The following CAP2 variants were observed in gnomAD, a reference collection of about 807,000 sequenced individuals.
The protein encoded by CAP2 is cyclase associated actin cytoskeleton regulatory protein 2.
In CAP2, 24 loss-of-function variants were observed where a neutral mutation model predicts 57.7. That is an observed-to-expected ratio of 0.42 (90% CI 0.30 to 0.58). The LOEUF (loss-of-function observed/expected upper bound fraction) is 0.58, where lower values mean the gene tolerates loss of function less well. Among genes scored for constraint, CAP2 ranks in the 20% least tolerant of loss-of-function variants. The probability of loss-of-function intolerance (pLI) is 0.22; values close to 1 mark genes in which losing one functional copy is unlikely to be tolerated. For missense variants in CAP2, 501 were observed against 590.3 expected (o/e 0.85, Z 1.57); for synonymous variants, 194 against 207.2 (o/e 0.94, Z 0.55).
At chr6:17,434,418 G>A (rs760015447) in intron 3 of CAP2, among the ~76,000 whole-genome samples, 9 of 151,888 alleles carry the variant, frequency 5.9e-5, no homozygotes, top group Non-Finnish European at 8.8e-5. Flanking sequence ...TAGTAGAGAC[G>A]GGGTTTCACT....
At chr6:17,551,438 G>A in intron 11 of CAP2, 26 bp from the exon 12 acceptor site, 1 of 1,563,058 alleles carries the variant, frequency 6.4e-7, no homozygotes, top group Non-Finnish European at 8.7e-7. Flanking sequence ...CTTTGCTTTG[G>A]TCCCAGGTAT....
At chr6:17,511,109 A>G (rs1762135352) in intron 6 of CAP2, among the ~76,000 whole-genome samples, 1 of 152,224 alleles carries the variant, frequency 6.6e-6, no homozygotes, top group Non-Finnish European at 1.5e-5. Context: ...GACTACCTCA[A>G]GACTGTACAA....
intron 4 of CAP2, among the ~76,000 whole-genome samples, chr6:17,465,706 T>G (rs1760846156): frequency 6.6e-6 from 1 of 152,190 alleles, no homozygotes; most frequent in Non-Finnish European, 1.5e-5. Context: ...ATTGGGGACT[T>G]GCATACAGGG....
chr6:17,428,003 G>A (rs1224996454), intron 3 of CAP2, among the ~76,000 whole-genome samples: 1 of 152,208 alleles, frequency 6.6e-6, no homozygotes, highest in Non-Finnish European at 1.5e-5. Context: ...GAGAGAATAG[G>A]AAATTGTTCA....
intron 4 of CAP2, among the ~76,000 whole-genome samples, chr6:17,478,817 C>T (rs887212690): frequency 1.3e-5 from 2 of 152,112 alleles, no homozygotes; most frequent in Non-Finnish European, 2.9e-5. Context: ...TTTCCCAGTG[C>T]CCTGCTTGCT....
chr6:17,451,358 ACCT>A (rs1760397736), intron 3 of CAP2, among the ~76,000 whole-genome samples: 1 of 151,514 alleles, frequency 6.6e-6, no homozygotes. Flanking sequence ...ATATCAACAA[ACCT>A]CCTGTCCAGG....
intron 7 of CAP2, among the ~76,000 whole-genome samples, chr6:17,538,445 AC>A (rs1762823273): frequency 6.6e-6 from 1 of 152,062 alleles, no homozygotes; most frequent in African/African-American, 2.4e-5. Context: ...GTAGAGTGAG[AC>A]CCTGTCTCCT....
rs1762202786 is a variant in CAP2 at position 17,513,433 on chromosome 6, T to TC, written c.531-415dup. Among the ~76,000 whole-genome samples, 4 of 152,178 alleles carry TC rather than the reference T, an allele frequency of 2.6e-5. No homozygotes were observed. The South Asian group carries it at 8.3e-4, about 32-fold the overall frequency. On this transcript the variant is annotated intron_variant, in intron 6 of 12. Coordinates refer to ENST00000229922, the MANE Select transcript of CAP2 (RefSeq NM_006366.3). The surrounding 1 kb of genome is among the most constrained non-coding windows in gnomAD (Gnocchi z 4.3). Reference sequence around the variant, plus strand: ...AAAATGAACCCAATGACTTTTTTTTTCTTTTTAATACCATTCTCATTCCTG... The same window carrying TC: ...AAAATGAACCCAATGACTTTTTTTTTCCTTTTTAATACCATTCTCATTCCTG...
chr6:17,497,371 G>A (rs1581569843), intron 4 of CAP2, among the ~76,000 whole-genome samples: 1 of 152,180 alleles, frequency 6.6e-6, no homozygotes, highest in East Asian at 1.9e-4. Context: ...CTCCCTGATA[G>A]GGTAAGAGTT....
chr6:17,470,609 A>G (rs1270050527), intron 4 of CAP2, among the ~76,000 whole-genome samples: 1 of 152,232 alleles, frequency 6.6e-6, no homozygotes, highest in African/African-American at 2.4e-5. Flanking sequence ...AAGAGAATGC[A>G]GGAAGGTTTT....
In CAP2 at chr6:17,513,851, A is replaced by T; in HGVS notation, c.533A>T (p.Asp178Val). 1 of 1,606,364 alleles carries T rather than the reference A, an allele frequency of 6.2e-7. No homozygotes were observed. Among genetic ancestry groups the T allele is most frequent in the Non-Finnish European group, 8.5e-7 (1 of 1,172,992 alleles). ...NRVLKDYKHS[D>V]LRHVDWVKSY... is the part of the protein sequence containing the mutation. ...TTCAACCCTCTTTCACAACAAAGTG[A>T]TTTGCGTCATGTGGATTGGGTGAAG... Residue 178 changes from aspartate (D) to valine (V), a missense_variant and splice_region_variant, in exon 7 of 13, where the codon GAT becomes GTT. Transcript: ENST00000229922. The surrounding 1 kb of genome is among the most constrained non-coding windows in gnomAD (Gnocchi z 4.3).
At chr6:17,556,239 C>A (rs1253408713) in intron 12 of CAP2, 120 bp from the exon 13 acceptor site, 1 of 696,754 alleles carries the variant, frequency 1.4e-6, no homozygotes, top group East Asian at 2.6e-5. Context: ...GCAATTCGAT[C>A]GAATTTCTTT....
intron 1 of CAP2, among the ~76,000 whole-genome samples, chr6:17,416,044 A>G (rs895369302): frequency 6.6e-6 from 1 of 151,914 alleles, no homozygotes; most frequent in African/African-American, 2.4e-5. Flanking sequence ...CAAAAGAGTC[A>G]TTGTAAAAAT....
chr6:17,429,138 A>C (rs1262757835), intron 3 of CAP2, among the ~76,000 whole-genome samples: 3 of 152,156 alleles, frequency 2.0e-5, no homozygotes, highest in African/African-American at 7.2e-5. Context: ...GTTTTTGTTT[A>C]CAAGAAACCT....
intron 4 of CAP2, among the ~76,000 whole-genome samples, chr6:17,474,752 CA>C (rs1761105329): frequency 6.6e-6 from 1 of 152,196 alleles, no homozygotes; most frequent in Non-Finnish European, 1.5e-5. Context: ...TCCATCCCCT[CA>C]ACAAGATTTG....
intron 4 of CAP2, among the ~76,000 whole-genome samples, chr6:17,486,909 C>G (rs1473378034): frequency 1.3e-5 from 2 of 152,188 alleles, no homozygotes; most frequent in Non-Finnish European, 2.9e-5. Context: ...GGCTTCCAGG[C>G]CCAGCCACTG....
At chr6:17,487,614 C>T (rs1761450343) in intron 4 of CAP2, among the ~76,000 whole-genome samples, 1 of 152,146 alleles carries the variant, frequency 6.6e-6, no homozygotes, top group African/African-American at 2.4e-5. Flanking sequence ...GGATTACAGG[C>T]ACCCGCCACC....
chr6:17,528,235 A>T (rs114348375), intron 7 of CAP2, among the ~76,000 whole-genome samples: 185 of 152,368 alleles, frequency 1.2e-3, no homozygotes, highest in African/African-American at 4.2e-3. Context: ...AGGTGTATTA[A>T]ATGCATATTT....
intron 7 of CAP2, among the ~76,000 whole-genome samples, chr6:17,525,276 C>A (rs577850503): frequency 7.2e-5 from 11 of 152,196 alleles, no homozygotes; most frequent in African/African-American, 2.4e-4. Context: ...CTTTAATGGT[C>A]AGTATTATTT....
Sources: allele counts gnomAD v4.1 joint callset (sites outside exome capture counted in the v4.1 genomes callset), GRCh38; gene constraint gnomAD v4.1.1; non-coding constraint Gnocchi (gnomAD v3.1); transcripts MANE v1.5; gene names NCBI Gene and HGNC (gene_info 2026-07-23, HGNC 2026-07-21).